The following UPRT variants were observed in gnomAD, a reference collection of about 807,000 sequenced individuals.
UPRT encodes RP11-311P8.3.
In UPRT, 5 loss-of-function variants were observed where a neutral mutation model predicts 22.6. That is an observed-to-expected ratio of 0.22 (90% CI 0.12 to 0.47). The LOEUF (loss-of-function observed/expected upper bound fraction) is 0.47. Ranked by LOEUF, UPRT falls within the 20% of genes least tolerant of loss-of-function variation. The pLI is 0.99. For synonymous variants in UPRT, 77 were observed against 87.7 expected (o/e 0.88, Z 0.68); for missense variants, 181 against 239.9 (o/e 0.75, Z 1.62).
chrX:75,175,183 C>A (rs982493180), intron 4 of UPRT, among the ~76,000 whole-genome samples: 3 of 111,189 alleles, frequency 2.7e-5, no homozygotes, highest in Admixed American at 1.9e-4. Context: ...TTTGCCCTTT[C>A]AAATTGTCCT....
At chrX:75,229,916 C>G (rs2082433092) in intron 4 of UPRT, among the ~76,000 whole-genome samples, 1 of 112,170 alleles carries the variant, frequency 8.9e-6, no homozygotes, top group Admixed American at 9.4e-5. Context: ...ACAGGAAGTG[C>G]AGATATGAGT....
intron 4 of UPRT, among the ~76,000 whole-genome samples, chrX:75,217,770 A>C (rs2082397551): frequency 8.9e-6 from 1 of 112,463 alleles, no homozygotes; most frequent in African/African-American, 3.2e-5. Flanking sequence ...AAACCTGACA[A>C]AAACAAGCAA....
At chrX:75,297,342 A>C (rs2082729418) in intron 3 of UPRT, 149 bp from the exon 4 acceptor site, 2 of 493,407 alleles carry the variant, frequency 4.1e-6, no homozygotes, top group East Asian at 7.4e-5. Context: ...GACTCATCTC[A>C]TTATTTCCAC....
intron 4 of UPRT, among the ~76,000 whole-genome samples, chrX:75,265,273 G>T: frequency 8.9e-6 from 1 of 111,796 alleles, no homozygotes; most frequent in South Asian, 3.8e-4. Context: ...CCTGCAGAGT[G>T]TTTTCCAACT....
chrX:75,166,028 A>G (rs2082212441), intron 3 of UPRT, among the ~76,000 whole-genome samples: 1 of 112,219 alleles, frequency 8.9e-6, no homozygotes. Context: ...AACCTAGCAC[A>G]TAATCAGCAA....
intron 4 of UPRT, among the ~76,000 whole-genome samples, chrX:75,198,186 T>A (rs973994675): frequency 8.9e-6 from 1 of 112,637 alleles, no homozygotes; most frequent in African/African-American, 3.2e-5. Flanking sequence ...ATTACTGATA[T>A]TTAAACAATA....
chrX:75,245,175 AT>A (rs1346190753), intron 4 of UPRT, among the ~76,000 whole-genome samples: 1 of 110,844 alleles, frequency 9.0e-6, no homozygotes, highest in Non-Finnish European at 1.9e-5. Flanking sequence ...CATATAAAAA[AT>A]TCTCAACATC....
At chrX:75,172,963 G>T (rs775603562) in intron 4 of UPRT, among the ~76,000 whole-genome samples, 1 of 111,155 alleles carries the variant, frequency 9.0e-6, no homozygotes, top group Non-Finnish European at 1.9e-5. Context: ...CTGCTGGCTC[G>T]GGCAGCCTGC....
intron 4 of UPRT, among the ~76,000 whole-genome samples, chrX:75,232,987 C>T (rs1022349501): frequency 1.1e-4 from 12 of 111,632 alleles, no homozygotes; most frequent in Non-Finnish European, 1.9e-4. Context: ...CAAATTACTC[C>T]GAGCTACGGG....
chrX:75,186,643 T>A (rs367699680), intron 4 of UPRT, among the ~76,000 whole-genome samples: 4 of 111,640 alleles, frequency 3.6e-5, no homozygotes, highest in South Asian at 3.8e-4. Context: ...CCCATTATTA[T>A]TGTGTGGGAG....
At chrX:75,253,605 C>T (rs1345206341) in intron 4 of UPRT, among the ~76,000 whole-genome samples, 1 of 111,854 alleles carries the variant, frequency 8.9e-6, no homozygotes. Flanking sequence ...ATGGACAGAG[C>T]AGTGCGTGGA....
rs59522302 is a variant in UPRT, at chrX:75,180,681, GTT to G, written c.-447+12814_-447+12815del. On this transcript the variant is annotated intron_variant, in intron 4 of 13. Coordinates refer to the UPRT transcript ENST00000652605. The stretch of plus-strand genomic sequence containing the variant: ...GTCTTCCATCTTCCCCCTTTTCTCT[GTT>G]TTTTTTTTTTTGTTTTTTTTTTTTT... 7.9e-3 allele frequency among the ~76,000 whole-genome samples: 345 copies of G among 43,893 alleles called. 2 individuals carry two copies. Among genetic ancestry groups the G allele is most frequent in the Admixed American group, 0.013 (35 of 2,757 alleles). 38.1% of individuals were successfully genotyped at this position (43,893 alleles called of 115,157 possible).
chrX:75,167,793 T>C (rs1216809338), intron 3 of UPRT, among the ~76,000 whole-genome samples: 4 of 110,592 alleles, frequency 3.6e-5, no homozygotes, highest in African/African-American at 1.3e-4. Flanking sequence ...TTACTTTTAA[T>C]TTGTGATTGC....
chrX:75,269,742 A>G (rs905676401), upstream of UPRT, among the ~76,000 whole-genome samples: 2 of 112,227 alleles, frequency 1.8e-5, no homozygotes, highest in Admixed American at 1.9e-4. Context: ...AACACTTTAT[A>G]CAAAAAGTAA....
At chrX:75,237,064 A>G (rs771260960) in intron 4 of UPRT, among the ~76,000 whole-genome samples, 1 of 112,348 alleles carries the variant, frequency 8.9e-6, no homozygotes, top group South Asian at 3.7e-4. Context: ...CAAAGGGCTA[A>G]TATTCAGAAT....
chrX:75,233,687 A>G (rs1428849952), intron 4 of UPRT, among the ~76,000 whole-genome samples: 2 of 111,149 alleles, frequency 1.8e-5, no homozygotes, highest in Non-Finnish European at 1.9e-5. Context: ...AGCCAAACAA[A>G]CTTCATAAGA....
chrX:75,170,328 C>T (rs1240247536), intron 4 of UPRT, among the ~76,000 whole-genome samples: 3 of 111,771 alleles, frequency 2.7e-5, no homozygotes, highest in East Asian at 5.6e-4. Flanking sequence ...TGAGCCACCA[C>T]GCCTGGCCTG....
intron 4 of UPRT, among the ~76,000 whole-genome samples, chrX:75,243,626 C>A (rs1194264560): frequency 9.0e-6 from 1 of 111,173 alleles, no homozygotes; most frequent in Non-Finnish European, 1.9e-5. Flanking sequence ...GATGAATAGA[C>A]CAAATGCTTA....
At chrX:75,250,907 A>T (rs1319119889) in intron 4 of UPRT, among the ~76,000 whole-genome samples, 4 of 112,226 alleles carry the variant, frequency 3.6e-5, no homozygotes, top group African/African-American at 1.3e-4. Context: ...CTAGTTCAAC[A>T]TATGCAAATC....
Sources: allele counts gnomAD v4.1 joint callset (sites outside exome capture counted in the v4.1 genomes callset), GRCh38; gene constraint gnomAD v4.1.1; transcripts MANE v1.5; gene names NCBI Gene and HGNC (gene_info 2026-07-23, HGNC 2026-07-21).